Variants in PTPRK observed in about 807,000 individuals in gnomAD.
PTPRK encodes the protein receptor-type tyrosine-protein phosphatase kappa.
In PTPRK, 75 loss-of-function variants were observed where a neutral mutation model predicts 178.0. The observed-to-expected ratio is 0.42, with a 90% CI of 0.35 to 0.51. PTPRK has a LOEUF of 0.51. Ranked by LOEUF, PTPRK falls within the 20% of genes least tolerant of loss-of-function variation. PTPRK has a pLI of 0.02. For synonymous variants in PTPRK, 637 were observed against 620.6 expected (o/e 1.03, Z -0.39); for missense variants, 1,441 against 1,797.8 (o/e 0.80, Z 3.59).
At chr6:128,491,563 A>G (rs1004253010) in intron 1 of PTPRK, among the ~76,000 whole-genome samples, 1 of 152,202 alleles carries the variant, frequency 6.6e-6, no homozygotes, top group Non-Finnish European at 1.5e-5. Flanking sequence ...TTTCGGCTAC[A>G]CCAATAATTT....
At chr6:128,137,852 AT>A (rs1795233023) in intron 7 of PTPRK, among the ~76,000 whole-genome samples, 1 of 152,152 alleles carries the variant, frequency 6.6e-6, no homozygotes, top group African/African-American at 2.4e-5. Flanking sequence ...GGAAGAGCTT[AT>A]ATAGCTCTTA....
At chr6:128,137,338 A>C (rs150319460) in intron 7 of PTPRK, among the ~76,000 whole-genome samples, 59 of 152,318 alleles carry the variant, frequency 3.9e-4, no homozygotes, top group Middle Eastern at 6.8e-3. Flanking sequence ...TTGCACTTGA[A>C]AATCTAGTTC....
intron 7 of PTPRK, among the ~76,000 whole-genome samples, chr6:128,151,569 A>AT (rs1323120566): frequency 1.3e-5 from 2 of 152,022 alleles, no homozygotes; most frequent in African/African-American, 4.8e-5. Flanking sequence ...TAAAAAAAAA[A>AT]GTGTGCACAC....
intron 5 of PTPRK, chr6:128,238,013 TG>T: frequency 2.2e-6 from 1 of 447,604 alleles, no homozygotes; most frequent in East Asian, 7.0e-5. Context: ...TTCTTGTAGA[TG>T]GGGAAGACTG....
chr6:128,266,249 G>C (rs572386891), intron 3 of PTPRK, among the ~76,000 whole-genome samples: 58 of 152,228 alleles, frequency 3.8e-4, no homozygotes, highest in Admixed American at 9.2e-4. Context: ...CTGAGGCTGG[G>C]AAAGGACACA....
intron 6 of PTPRK, among the ~76,000 whole-genome samples, chr6:128,213,246 G>C (rs1473272271): frequency 6.6e-6 from 1 of 151,892 alleles, no homozygotes; most frequent in Admixed American, 6.6e-5. Context: ...CTTGAACACT[G>C]AATCACCTGA....
intron 6 of PTPRK, among the ~76,000 whole-genome samples, chr6:128,194,886 A>T (rs1804582673): frequency 6.6e-6 from 1 of 152,172 alleles, no homozygotes; most frequent in Non-Finnish European, 1.5e-5. Context: ...GTACAATAAC[A>T]CTATCCACAT....
intron 2 of PTPRK, among the ~76,000 whole-genome samples, chr6:128,348,677 T>C (rs901548609): frequency 6.6e-6 from 1 of 152,034 alleles, no homozygotes; most frequent in Admixed American, 6.6e-5. Flanking sequence ...GGAAATATAA[T>C]CCAATATAAT....
At chr6:128,400,695 C>T (rs1562445076) in intron 1 of PTPRK, among the ~76,000 whole-genome samples, 1 of 152,142 alleles carries the variant, frequency 6.6e-6, no homozygotes, top group African/African-American at 2.4e-5. Context: ...CCATTTAGGA[C>T]TCACTAGAAA....
intron 2 of PTPRK, among the ~76,000 whole-genome samples, chr6:128,331,475 C>CA (rs554012198): frequency 1.9e-3 from 287 of 148,578 alleles, no homozygotes; most frequent in Non-Finnish European, 3.3e-3. Context: ...CAAAGATAGT[C>CA]AAAGAGAAAA....
chr6:128,128,525 T>C (rs1793730921), intron 7 of PTPRK, among the ~76,000 whole-genome samples: 1 of 152,214 alleles, frequency 6.6e-6, no homozygotes, highest in Admixed American at 6.5e-5. Flanking sequence ...TGGCACATCA[T>C]GACCAATTCA....
At chr6:128,512,731 C>G (rs1021089440) in intron 1 of PTPRK, among the ~76,000 whole-genome samples, 4 of 152,132 alleles carry the variant, frequency 2.6e-5, no homozygotes, top group Non-Finnish European at 5.9e-5. Flanking sequence ...CTTGAGAAAA[C>G]TGACAAGAAT....
chr6:128,253,051 C>G (rs1049358561), intron 3 of PTPRK, among the ~76,000 whole-genome samples: 4 of 152,082 alleles, frequency 2.6e-5, no homozygotes, highest in African/African-American at 4.8e-5. Flanking sequence ...TATGCCAAAC[C>G]CCTGCTCTCT....
chr6:128,135,345 G>A (rs1794872942), intron 7 of PTPRK, among the ~76,000 whole-genome samples: 1 of 150,936 alleles, frequency 6.6e-6, no homozygotes, highest in Non-Finnish European at 1.5e-5. Flanking sequence ...GGACCCAAGA[G>A]CAGTGGTGCT....
chr6:128,259,084 C>T (rs564408730), intron 3 of PTPRK, among the ~76,000 whole-genome samples: 1 of 151,442 alleles, frequency 6.6e-6, no homozygotes, highest in African/African-American at 2.4e-5. Context: ...GTGGGGAGGT[C>T]CATGTTTGAG....
Position 127,985,696 on chromosome 6 carries a change from C to G in PTPRK, c.3251+25G>C, listed in dbSNP as rs1775890402. The G allele has an allele frequency of 3.1e-6, 5 of 1,592,868 alleles. No individual in the cohort carries two copies. In the Admixed American group the frequency reaches 6.7e-5, roughly 21 times the overall value. ...CTAAAAAAAGCTGATTGCATACAGT[C>G]AATACCATTTGGACCACCACTTACC... On this transcript the variant is annotated intron_variant, in intron 22 of 29. Transcript: ENST00000368226.
intron 1 of PTPRK, among the ~76,000 whole-genome samples, chr6:128,512,747 T>G (rs1475566279): frequency 6.6e-6 from 1 of 152,214 alleles, no homozygotes; most frequent in Non-Finnish European, 1.5e-5. Flanking sequence ...AGAATCTCTG[T>G]TCTTAAATAT....
chr6:128,366,894 T>G (rs935371946), intron 2 of PTPRK, among the ~76,000 whole-genome samples: 17 of 152,068 alleles, frequency 1.1e-4, no homozygotes, highest in African/African-American at 4.1e-4. Flanking sequence ...TCATGTTACT[T>G]CCCTCCTACC....
At chr6:128,455,027 T>C (rs1848226360) in intron 1 of PTPRK, among the ~76,000 whole-genome samples, 1 of 152,144 alleles carries the variant, frequency 6.6e-6, no homozygotes, top group African/African-American at 2.4e-5. Flanking sequence ...ATATTAAATA[T>C]TTTAAAAGGC....
Sources: allele counts gnomAD v4.1 joint callset (sites outside exome capture counted in the v4.1 genomes callset), GRCh38; gene constraint gnomAD v4.1.1; transcripts MANE v1.5; gene names NCBI Gene and HGNC (gene_info 2026-07-23, HGNC 2026-07-21).